ENTPD6: variants seen among roughly 807,000 people sequenced by gnomAD.
The protein encoded by ENTPD6 is CD39 antigen-like 2.
Under a neutral mutation model 61.5 loss-of-function variants are expected in ENTPD6, and 46 were observed. That is an observed-to-expected ratio of 0.75 (90% CI 0.59 to 0.96). The LOEUF is 0.96. ENTPD6 is among the 40% of genes least tolerant of loss of function. The pLI is 0.00. For missense variants in ENTPD6, 612 were observed against 629.0 expected (o/e 0.97, Z 0.29); for synonymous variants, 252 against 255.5 (o/e 0.99, Z 0.13).
chr20:25,207,159 C>T lies in ENTPD6; in HGVS notation c.138C>T (p.Pro46=). Residue 46 remains proline (P), a synonymous_variant, in exon 3 of 15, where the codon CCC becomes CCT. Coordinates refer to ENST00000376652, the MANE Select transcript of ENTPD6 (RefSeq NM_001247.5). ...TGCGGGTGGCGAAGGTGGCATACCCCCTGGGGCTGTGTGTGGGCGTGTTCA... is the reference window on the plus strand; with the variant it reads ...TGCGGGTGGCGAAGGTGGCATACCCTCTGGGGCTGTGTGTGGGCGTGTTCA... The part of the protein sequence containing the change: ...GSLRVAKVAY[P]LGLCVGVFIY... 2 of 1,614,092 alleles carry T rather than the reference C, an allele frequency of 1.2e-6. No homozygotes were observed. Among genetic ancestry groups the T allele is most frequent in the Non-Finnish European group, 1.7e-6 (2 of 1,180,006 alleles).
chr20:25,213,183 A>T (rs2092093064), intron 4 of ENTPD6, 80 bp from the exon 5 acceptor site: 2 of 1,581,270 alleles, frequency 1.3e-6, no homozygotes, highest in African/African-American at 2.7e-5. Context: ...AACCAAAAAA[A>T]CCCAAAAGGG....
At chr20:25,200,916 C>T (rs1347893031) in intron 1 of ENTPD6, among the ~76,000 whole-genome samples, 1 of 151,866 alleles carries the variant, frequency 6.6e-6, no homozygotes, top group African/African-American at 2.4e-5. Flanking sequence ...TTGTTTGAGC[C>T]CTTTCTTCTT....
At chr20:25,222,135 A>G (rs977326640) in intron 11 of ENTPD6, 10 of 153,630 alleles carry the variant, frequency 6.5e-5, no homozygotes, top group African/African-American at 2.4e-4. Context: ...CCGCACAAGC[A>G]GCACACACCG....
At chr20:25,215,870 G>A (rs1327038946) in intron 7 of ENTPD6, among the ~76,000 whole-genome samples, 159 bp downstream of exon 7, 1 of 152,170 alleles carries the variant, frequency 6.6e-6, no homozygotes, top group Non-Finnish European at 1.5e-5. Flanking sequence ...GGGATGGGTG[G>A]GGTCACCCAC....
intron 4 of ENTPD6, among the ~76,000 whole-genome samples, chr20:25,211,509 A>T (rs1186978958): frequency 6.6e-6 from 1 of 152,168 alleles, no homozygotes; most frequent in Non-Finnish European, 1.5e-5. Flanking sequence ...ATGTAAACAG[A>T]GTCATCTGTA....
At chr20:25,211,125 A>G (rs2091934979) in intron 4 of ENTPD6, among the ~76,000 whole-genome samples, 2 of 152,244 alleles carry the variant, frequency 1.3e-5, no homozygotes, top group African/African-American at 4.8e-5. Context: ...AAAATGGGCT[A>G]TGGAGAGAGT....
chr20:25,206,096 T>C (rs557153239), intron 1 of ENTPD6, among the ~76,000 whole-genome samples: 17 of 152,214 alleles, frequency 1.1e-4, no homozygotes, highest in Non-Finnish European at 2.2e-4. Context: ...ATCCCCACAG[T>C]CACGAGGGGC....
intron 1 of ENTPD6, among the ~76,000 whole-genome samples, chr20:25,204,786 T>G (rs1343557263): frequency 6.6e-6 from 1 of 152,122 alleles, no homozygotes. Flanking sequence ...ATTCATCAGG[T>G]GGTGCCATGC....
intron 13 of ENTPD6, 33 bp downstream of exon 13, chr20:25,224,190 G>GGCAGGC (rs1267699992): frequency 6.3e-7 from 1 of 1,599,858 alleles, no homozygotes; most frequent in Non-Finnish European, 8.5e-7. Context: ...TCTCAGCAGG[G>GGCAGGC]GCAGGCGCCC....
chr20:25,221,538 G>T, intron 11 of ENTPD6: 1 of 633,014 alleles, frequency 1.6e-6, no homozygotes, highest in Non-Finnish European at 2.9e-6. Context: ...CTCTGCCTCT[G>T]TTCAACATTC....
At position 25,209,865 on chromosome 20, in the gene ENTPD6, C is replaced by A; in HGVS notation, c.393C>A (p.Thr131=). The change falls in exon 4 of 15, where the codon ACC becomes ACA. Residue 131 remains threonine, a synonymous_variant. Coordinates refer to ENST00000376652, the MANE Select transcript of ENTPD6 (RefSeq NM_001247.5). The part of the protein sequence containing the change: ...TRPPRETPTL[T]HETFKALKPG... ...TCCCCTTAGAAACTCCCACGTTAAC[C>A]CACGAAACCTTCAAAGCACTGAAGC... is the stretch of plus-strand genomic sequence containing the variant. 6.2e-7 allele frequency: 1 copy of A among 1,614,122 alleles called. No homozygotes were observed. The highest frequency in any genetic ancestry group is 2.2e-5 in the East Asian group (1 of 44,878).
At chr20:25,209,949 C>T in intron 4 of ENTPD6, 24 bp downstream of exon 4, 1 of 1,592,224 alleles carries the variant, frequency 6.3e-7, no homozygotes, top group Non-Finnish European at 8.6e-7. Flanking sequence ...CCCGTGTCTC[C>T]CTGTTCAACT....
At position 25,213,309 on chromosome 20, in the gene ENTPD6, T is replaced by C; in HGVS notation, c.500T>C (p.Ile167Thr). Residue 167 changes from isoleucine (I) to threonine (T), a missense_variant, in exon 5 of 15, where the codon ATT (isoleucine) becomes ACT (threonine). By Grantham distance (89) the Ile-to-Thr change is moderately conservative. Coordinates refer to ENST00000376652, the MANE Select transcript of ENTPD6 (RefSeq NM_001247.5). ...CTACTGGATGTTGCTAAACAGGACATTCCGTTCGACTTCTGGAAGGCCACC... is the reference window on the plus strand; with the variant it reads ...CTACTGGATGTTGCTAAACAGGACACTCCGTTCGACTTCTGGAAGGCCACC... ...RELLDVAKQD[I>T]PFDFWKATPL... 6.2e-7 allele frequency: 1 copy of C among 1,614,234 alleles called. No individual in the cohort carries two copies. The highest frequency in any genetic ancestry group is 8.5e-7 in the Non-Finnish European group (1 of 1,180,038).
Position 25,216,672 on chromosome 20 carries a change from G to A in ENTPD6, c.734G>A (p.Ser245Asn). ...GGCAGCTTGAAAACTCCAGGAGGGA[G>A]CAGCGTGGGCATGCTGGACTTGGGC... is the stretch of plus-strand genomic sequence containing the variant. The part of the protein sequence containing the change: ...LTGSLKTPGG[S>N]SVGMLDLGGG... The change falls in exon 8 of 15, where the codon AGC becomes AAC. Residue 245 changes from serine (S) to asparagine (N), a missense_variant. Ser to Asn is a conservative substitution (Grantham distance 46). Transcript: ENST00000376652. 1 of 1,607,238 alleles carries A rather than the reference G, an allele frequency of 6.2e-7. No individual in the cohort carries two copies.
Position 25,225,535 on chromosome 20 carries a change from G to C in ENTPD6, c.1393G>C (p.Ala465Pro). ...AATTGACAATGTTGAGACCAGCTGG[G>C]CTCTGGGGGCCATTTTTCATTACAT... ...RKIDNVETSWALGAIFHYIDS... is the reference protein window; with the variant it reads ...RKIDNVETSWPLGAIFHYIDS... Residue 465 changes from alanine (A) to proline (P), a missense_variant, in exon 15 of 15, where the codon GCT (alanine) becomes CCT (proline). Physicochemically the swap from Ala to Pro is conservative, Grantham distance 27. Transcript: ENST00000376652. The C allele has an allele frequency of 6.2e-7, 1 of 1,614,052 alleles. No individual in the cohort carries two copies. Among genetic ancestry groups the C allele is most frequent in the Non-Finnish European group, 8.5e-7 (1 of 1,179,974 alleles).
chr20:25,220,605 G>C (rs1014522614), intron 10 of ENTPD6, among the ~76,000 whole-genome samples: 1 of 152,216 alleles, frequency 6.6e-6, no homozygotes, highest in Admixed American at 6.5e-5. Context: ...AGAGCAGCCT[G>C]GGACACTTTT....
intron 12 of ENTPD6, among the ~76,000 whole-genome samples, chr20:25,223,305 C>T (rs999346621): frequency 3.9e-5 from 6 of 152,150 alleles, no homozygotes; most frequent in Non-Finnish European, 7.4e-5. Context: ...CAGGAGGCCT[C>T]CTGTGACCTG....
intron 12 of ENTPD6, 25 bp from the exon 13 acceptor site, chr20:25,224,076 A>G (rs1436210019): frequency 6.2e-7 from 1 of 1,607,840 alleles, no homozygotes; most frequent in Non-Finnish European, 8.5e-7. Flanking sequence ...GTGCTCCTGC[A>G]GACTGGGTGT....
chr20:25,225,721 C>A lies in ENTPD6; in HGVS notation c.*124C>A. The A allele has an allele frequency of 1.3e-6, 1 of 768,918 alleles. No homozygotes were observed. The highest frequency in any genetic ancestry group is 2.2e-6 in the Non-Finnish European group (1 of 464,768). The allele number at this position is 768,918 out of a possible 1,614,324, so 47.6% of individuals were successfully genotyped here. ...CGTGCTGGCACTTTCTGCACACTGG[C>A]TCTGGGACTTGCAGAAGGCCTGGTG... On this transcript the variant is annotated 3_prime_UTR_variant, in exon 15 of 15. Coordinates refer to ENST00000376652, the MANE Select transcript of ENTPD6 (RefSeq NM_001247.5).
Sources: allele counts gnomAD v4.1 joint callset (sites outside exome capture counted in the v4.1 genomes callset), GRCh38; gene constraint gnomAD v4.1.1; transcripts MANE v1.5; gene names NCBI Gene and HGNC (gene_info 2026-07-23, HGNC 2026-07-21).